DPYSL2: variants seen among roughly 807,000 people sequenced by gnomAD.
The protein encoded by DPYSL2 is dihydropyrimidinase like 2.
A neutral mutation model predicts 69.9 loss-of-function variants in DPYSL2; 13 were observed. The ratio of observed to expected loss-of-function variants is 0.19; its 90% CI spans 0.12 to 0.30. The LOEUF (loss-of-function observed/expected upper bound fraction) is 0.30. DPYSL2 is among the 10% of genes least tolerant of loss of function. DPYSL2 has a pLI of 1.00. For synonymous variants in DPYSL2, 326 were observed against 359.1 expected (o/e 0.91, Z 1.04); for missense variants, 587 against 918.9 (o/e 0.64, Z 4.67).
At chr8:26,629,876 C>A (rs759168712) in intron 7 of DPYSL2, among the ~76,000 whole-genome samples, 1 of 152,186 alleles carries the variant, frequency 6.6e-6, no homozygotes, top group Non-Finnish European at 1.5e-5. Flanking sequence ...GGATTACAGG[C>A]GTGAGCCACC....
intron 3 of DPYSL2, among the ~76,000 whole-genome samples, chr8:26,612,401 T>C (rs994338998): frequency 1.3e-5 from 2 of 152,226 alleles, no homozygotes; most frequent in African/African-American, 4.8e-5. Context: ...AAGAACATTA[T>C]GTATAATAGA....
chr8:26,577,084 G>A (rs1163176209), intron 1 of DPYSL2: 5 of 434,636 alleles, frequency 1.2e-5, no homozygotes, highest in South Asian at 4.7e-5. Flanking sequence ...TTCAGGGCGG[G>A]GTTTCCCATA....
intron 3 of DPYSL2, among the ~76,000 whole-genome samples, chr8:26,622,090 T>C (rs13276391): frequency 0.016 from 1,022 of 64,382 alleles, 10 homozygotes; most frequent in East Asian, 0.038. Context: ...TCTTTCTTTC[T>C]TTCCTTCCTT....
At chr8:26,577,229 A>C (rs1801370166) in intron 1 of DPYSL2, 3 of 412,784 alleles carry the variant, frequency 7.3e-6, no homozygotes. Context: ...GCCCGCGCCC[A>C]TTCCCCGCCC....
chr8:26,615,182 C>G lies in DPYSL2; in HGVS notation c.629-8961C>G, dbSNP rs1802316877. Among the ~76,000 whole-genome samples, 3 of 152,202 alleles carry G rather than the reference C, an allele frequency of 2.0e-5. No individual in the cohort carries two copies. In the South Asian group the frequency reaches 6.2e-4, roughly 32 times the overall value. ...CTGTTCAGCTGAAAACTAGGGCCAA[C>G]CCTGGCTCAGAGCTCAGGGGGCCGT... On this transcript the variant is annotated intron_variant, in intron 3 of 13. Coordinates refer to ENST00000521913, the MANE Select transcript of DPYSL2 (RefSeq NM_001197293.3).
rs113354447 is a variant in DPYSL2 at position 26,561,912 on chromosome 8, C to T, written c.355-20057C>T. 2.1e-3 allele frequency among the ~76,000 whole-genome samples: 326 copies of T among 152,280 alleles called. 4 individuals are homozygous for T. Among genetic ancestry groups the T allele is most frequent in the African/African-American group, 7.4e-3 (308 of 41,556 alleles). ...GGCCCAGTTCCTAATAGGCCATGGA[C>T]GGGTACTGGTCTGCAGCCCAGGGGT... On this transcript the variant is annotated intron_variant, in intron 1 of 13. Coordinates refer to ENST00000521913, the MANE Select transcript of DPYSL2 (RefSeq NM_001197293.3).
At chr8:26,566,771 T>A (rs992901724) in intron 1 of DPYSL2, among the ~76,000 whole-genome samples, 2 of 152,186 alleles carry the variant, frequency 1.3e-5, no homozygotes, top group Admixed American at 1.3e-4. Context: ...TATGTTAGAC[T>A]CAAGTCCCAG....
At chr8:26,570,603 GGGCACCTGTAATCCCA>G (rs914703236) in intron 1 of DPYSL2, among the ~76,000 whole-genome samples, 10 of 152,090 alleles carry the variant, frequency 6.6e-5, no homozygotes, top group African/African-American at 2.4e-4. Flanking sequence ...CAGGTGTGGT[GGGCACCTGTAATCCCA>G]GCTACTTGAG....
chr8:26,516,519 A>G lies in DPYSL2; in HGVS notation c.354+1840A>G, dbSNP rs1808292940. 6.6e-6 allele frequency among the ~76,000 whole-genome samples: 1 copy of G among 152,252 alleles called. No homozygotes were observed. The highest frequency in any genetic ancestry group is 1.5e-5 in the Non-Finnish European group (1 of 68,036). On this transcript the variant is annotated intron_variant, in intron 1 of 13. Transcript: ENST00000521913. The surrounding 1 kb of genome is among the most constrained non-coding windows in gnomAD (Gnocchi z 4.8). Reference sequence around the variant, plus strand: ...AAGTGGCCCACCCCTATCATGAATTAGAACTCAAGTTTGAAAGGCATAGTT... The same window carrying G: ...AAGTGGCCCACCCCTATCATGAATTGGAACTCAAGTTTGAAAGGCATAGTT...
intron 1 of DPYSL2, among the ~76,000 whole-genome samples, chr8:26,543,356 T>C (rs1800714599): frequency 6.6e-6 from 1 of 152,190 alleles, no homozygotes; most frequent in Admixed American, 6.5e-5. Flanking sequence ...TTCCTTCTGC[T>C]CCTCTGCTGC....
At chr8:26,515,112 C>G (rs1039512699) in intron 1 of DPYSL2, among the ~76,000 whole-genome samples, 1 of 152,204 alleles carries the variant, frequency 6.6e-6, no homozygotes, top group African/African-American at 2.4e-5. Flanking sequence ...CGCGGCTCCC[C>G]GGTGGTCGGG....
rs535647186 is a variant in DPYSL2, at chr8:26,517,497, C to G, written c.354+2818C>G. Reference sequence around the variant, plus strand: ...GGCTTCAGTGAGGTTACATTGATCACCACTGTGAAAGACTCTGAGCCTCTT... The same window carrying G: ...GGCTTCAGTGAGGTTACATTGATCAGCACTGTGAAAGACTCTGAGCCTCTT... On this transcript the variant is annotated intron_variant, in intron 1 of 13. Transcript: ENST00000521913. This position sits in a 1 kb window ranked among gnomAD's most constrained non-coding sequence, Gnocchi z 4.2. 2.6e-5 allele frequency among the ~76,000 whole-genome samples: 4 copies of G among 152,264 alleles called. No homozygotes were observed. The highest frequency in any genetic ancestry group is 2.6e-4 in the Admixed American group (4 of 15,284).
intron 3 of DPYSL2, among the ~76,000 whole-genome samples, chr8:26,599,749 A>T (rs1232638263): frequency 2.0e-5 from 3 of 151,946 alleles, no homozygotes; most frequent in African/African-American, 7.3e-5. Flanking sequence ...AAAAAATCTT[A>T]AAAAAATTTA....
chr8:26,627,382 C>T lies in DPYSL2; in HGVS notation c.936+87C>T. 2.1e-6 allele frequency: 3 copies of T among 1,400,904 alleles called. No individual in the cohort carries two copies. Among genetic ancestry groups the T allele is most frequent in the Non-Finnish European group, 3.0e-6 (3 of 993,200 alleles). 86.8% of individuals were successfully genotyped at this position (1,400,904 alleles called of 1,614,324 possible). A position where few individuals can be genotyped will look rare whatever the true frequency, so the allele number is the denominator to read the frequency against. ...AAGGGAAGCTGCATCTGTAGCTTAA[C>T]ACCAAGGTGGAAAAGCAGAGGGACC... On this transcript the variant is annotated intron_variant, in intron 6 of 13. Transcript: ENST00000521913. This position sits in a 1 kb window ranked among gnomAD's most constrained non-coding sequence, Gnocchi z 6.9.
At chr8:26,608,881 C>T (rs1188976733) in intron 3 of DPYSL2, among the ~76,000 whole-genome samples, 1 of 152,234 alleles carries the variant, frequency 6.6e-6, no homozygotes, top group Non-Finnish European at 1.5e-5. Flanking sequence ...ACATCACCGA[C>T]TTTTCCTTCC....
chr8:26,623,241 A>G (rs774114434), intron 3 of DPYSL2, among the ~76,000 whole-genome samples: 2 of 152,206 alleles, frequency 1.3e-5, no homozygotes, highest in African/African-American at 2.4e-5. Context: ...GTCCAGGGTC[A>G]TGTTATAGAG....
In DPYSL2 at chr8:26,587,104, A is replaced by C. The variant is rs1801623774; in HGVS notation, c.628+3121A>C. On this transcript the variant is annotated intron_variant, in intron 3 of 13. Coordinates refer to ENST00000521913, the MANE Select transcript of DPYSL2 (RefSeq NM_001197293.3). The surrounding 1 kb of genome is among the most constrained non-coding windows in gnomAD (Gnocchi z 4.2). ...ATTTTTATCCTTTTTCTGTTTGCTG[A>C]CCAGACGTTCTGCATTGCTTTAAGT... 6.6e-6 allele frequency among the ~76,000 whole-genome samples: 1 copy of C among 152,168 alleles called. No homozygotes were observed. Among genetic ancestry groups the C allele is most frequent in the Non-Finnish European group, 1.5e-5 (1 of 68,032 alleles).
chr8:26,573,387 G>A (rs1263037277), intron 1 of DPYSL2, among the ~76,000 whole-genome samples: 1 of 152,168 alleles, frequency 6.6e-6, no homozygotes, highest in African/African-American at 2.4e-5. Context: ...ACCTGGGCGT[G>A]GCCGGGCGCG....
chr8:26,610,356 T>C lies in DPYSL2; in HGVS notation c.629-13787T>C, dbSNP rs11781198. On this transcript the variant is annotated intron_variant, in intron 3 of 13. Transcript: ENST00000521913. The surrounding 1 kb of genome is among the most constrained non-coding windows in gnomAD (Gnocchi z 4.5). Reference sequence around the variant, plus strand: ...AGGTTGTTTACATCACAGTGTCCTGTATTTGGGGGCTGCCCTGGGATGTGA... The same window carrying C: ...AGGTTGTTTACATCACAGTGTCCTGCATTTGGGGGCTGCCCTGGGATGTGA... Among the ~76,000 whole-genome samples, 30,323 of 152,150 alleles carry C rather than the reference T, an allele frequency of 0.2. 3,204 individuals are homozygous for C. Among genetic ancestry groups the C allele is most frequent in the African/African-American group, 0.26 (10,808 of 41,488 alleles).
Sources: gnomAD v4.1 joint callset for allele counts (sites outside exome capture counted in the v4.1 genomes callset) on GRCh38, gnomAD v4.1.1 for gene constraint, Gnocchi (gnomAD v3.1) non-coding constraint, MANE v1.5 for transcripts, NCBI Gene and HGNC (gene_info 2026-07-23, HGNC 2026-07-21) for gene names.